The following NCLN variants were observed in gnomAD, a reference collection of about 807,000 sequenced individuals.
NCLN encodes the protein nicalin, also known as BOS complex subunit NCLN.
A neutral mutation model predicts 69.5 loss-of-function variants in NCLN; 34 were observed. The observed-to-expected ratio is 0.49, with a 90% CI of 0.37 to 0.65. The LOEUF is 0.65. NCLN is among the 30% of genes least tolerant of loss of function. NCLN has a pLI of 0.00. For missense variants in NCLN, 710 were observed against 804.8 expected (o/e 0.88, Z 1.42); for synonymous variants, 393 against 358.3 (o/e 1.10, Z -1.09).
At chr19:3,207,005 G>A (rs1412787002) in intron 12 of NCLN, among the ~76,000 whole-genome samples, 193 bp from the exon 13 acceptor site, 1 of 151,946 alleles carries the variant, frequency 6.6e-6, no homozygotes, top group Non-Finnish European at 1.5e-5. Flanking sequence ...TTAATTTTTA[G>A]TAGAGATGGG....
chr19:3,189,850 G>A (rs1281083009), intron 1 of NCLN, among the ~76,000 whole-genome samples: 1 of 152,244 alleles, frequency 6.6e-6, no homozygotes, highest in Non-Finnish European at 1.5e-5. Context: ...GGGATCCAGA[G>A]GGCAGTGTGG....
At chr19:3,190,364 C>T (rs906109600) in intron 1 of NCLN, among the ~76,000 whole-genome samples, 5 of 152,194 alleles carry the variant, frequency 3.3e-5, no homozygotes, top group African/African-American at 7.2e-5. Context: ...GTGCCCACCT[C>T]CTTGTGCTGC....
chr19:3,200,749 C>T (rs1916105386), intron 5 of NCLN, among the ~76,000 whole-genome samples: 1 of 152,172 alleles, frequency 6.6e-6, no homozygotes, highest in South Asian at 2.1e-4. Flanking sequence ...AGCCCCTCCC[C>T]ATCAGCAGTC....
rs374183281 is a variant in NCLN at position 3,208,403 on chromosome 19, C to T, written c.*715C>T. 5.9e-5 allele frequency: 9 copies of T among 152,520 alleles called. No homozygotes were observed. Among genetic ancestry groups the T allele is most frequent in the African/African-American group, 1.9e-4 (8 of 41,476 alleles). 9.4% of individuals were successfully genotyped at this position (152,520 alleles called of 1,614,324 possible). A position where few individuals can be genotyped will look rare whatever the true frequency, so the allele number is the denominator to read the frequency against. On this transcript the variant is annotated 3_prime_UTR_variant, in exon 15 of 15. Coordinates refer to ENST00000246117, the MANE Select transcript of NCLN (RefSeq NM_020170.4). ...CTGGCAGGGCCCCTGCCTCCCCGACCCCCGACCCACTGCAAATCCCCGTTC... is the reference window on the plus strand; with the variant it reads ...CTGGCAGGGCCCCTGCCTCCCCGACTCCCGACCCACTGCAAATCCCCGTTC...
rs1167099141 is a variant in NCLN at position 3,192,647 on chromosome 19, A to T, written c.362A>T (p.Gln121Leu). Residue 121 changes from glutamine to leucine, a missense_variant, in exon 2 of 15, where the codon CAG (glutamine) becomes CTG (leucine). By Grantham distance (113) the Gln-to-Leu change is moderately radical (BLOSUM62 -2). Coordinates refer to ENST00000246117, the MANE Select transcript of NCLN (RefSeq NM_020170.4). ...ILPRAMAAVP[Q>L]DVVRQFMEIE... ...CCCAGGGCCATGGCCGCCGTGCCCC[A>T]GGACGTCGTCCGGGTGAGCGTCTGC... is the stretch of plus-strand genomic sequence containing the variant. 1 of 1,561,968 alleles carries T rather than the reference A, an allele frequency of 6.4e-7. No individual in the cohort carries two copies. The highest frequency in any genetic ancestry group is 8.7e-7 in the Non-Finnish European group (1 of 1,152,816).
intron 1 of NCLN, among the ~76,000 whole-genome samples, chr19:3,186,810 C>T (rs1188771160): frequency 1.3e-5 from 2 of 152,042 alleles, no homozygotes; most frequent in Non-Finnish European, 2.9e-5. Context: ...CATTCCCCAC[C>T]CCCTCCCACG....
intron 12 of NCLN, 64 bp downstream of exon 12, chr19:3,206,489 CA>C: frequency 1.3e-6 from 2 of 1,488,972 alleles, no homozygotes; most frequent in South Asian, 2.6e-5. Flanking sequence ...CCCCCTACTG[CA>C]TCTCCCACCC....
At chr19:3,206,635 A>C (rs1312342386) in intron 12 of NCLN, among the ~76,000 whole-genome samples, 3 of 152,212 alleles carry the variant, frequency 2.0e-5, no homozygotes, top group Non-Finnish European at 4.4e-5. Flanking sequence ...CAGGAGTTCA[A>C]GACCAGACTG....
chr19:3,191,001 CGCG>C lies in NCLN; in HGVS notation c.185-1467_185-1465del, dbSNP rs1481529841. Among the ~76,000 whole-genome samples the C allele has an allele frequency of 2.5e-3, 358 of 145,236 alleles. 1 individual carries two copies. The highest frequency in any genetic ancestry group is 6.3e-3 in the South Asian group (28 of 4,418). On this transcript the variant is annotated intron_variant, in intron 1 of 14. Coordinates refer to ENST00000246117, the MANE Select transcript of NCLN (RefSeq NM_020170.4). ...TTTCCAGGGCAACTCAGGTGGCCAT[CGCG>C]GTGTGTGGCGGGCAGCAGGGAGATC...
chr19:3,194,464 C>T (rs1435455175), intron 3 of NCLN, among the ~76,000 whole-genome samples: 1 of 152,240 alleles, frequency 6.6e-6, no homozygotes, highest in Non-Finnish European at 1.5e-5. Context: ...CAGGGGCCAC[C>T]TGTTTTTGTT....
At position 3,189,451 on chromosome 19, in the gene NCLN, C is replaced by T. The variant is rs1045400410; in HGVS notation, c.185-3019C>T. Among the ~76,000 whole-genome samples the T allele has an allele frequency of 3.3e-5, 5 of 152,248 alleles. No homozygotes were observed. The East Asian group carries it at 9.6e-4, about 29-fold the overall frequency. The stretch of plus-strand genomic sequence containing the variant: ...TTGGCATCTTGTCGCTGGCTGCTTC[C>T]ACGCAGAAACAGCTGAGCCCAGTGA... On this transcript the variant is annotated intron_variant, in intron 1 of 14. Transcript: ENST00000246117.
chr19:3,187,843 A>G (rs1915709830), intron 1 of NCLN, among the ~76,000 whole-genome samples: 1 of 152,120 alleles, frequency 6.6e-6, no homozygotes, highest in Admixed American at 6.5e-5. Context: ...GAGGCTCCTC[A>G]TGCAGTGACC....
chr19:3,187,862 C>T (rs1382278461), intron 1 of NCLN, among the ~76,000 whole-genome samples: 4 of 152,126 alleles, frequency 2.6e-5, no homozygotes, highest in East Asian at 1.9e-4. Context: ...CCGCGTTTTC[C>T]GTGCTGCTTG....
At chr19:3,186,268 TCCGGC>T in intron 1 of NCLN, 54 bp downstream of exon 1, 1 of 1,401,182 alleles carries the variant, frequency 7.1e-7, no homozygotes, top group Non-Finnish European at 9.3e-7. Flanking sequence ...GCCACGCCAC[TCCGGC>T]CCGGCGATCC....
At position 3,186,231 on chromosome 19, in the gene NCLN, C is replaced by T; in HGVS notation, c.184+17C>T. On this transcript the variant is annotated intron_variant, in intron 1 of 14. Coordinates refer to ENST00000246117, the MANE Select transcript of NCLN (RefSeq NM_020170.4). Reference sequence around the variant, plus strand: ...AGCCCTACGGTGCGTGTCCCCGGCCCACCCTCGGGGCTCCCCGGGCTCCCC... The same window carrying T: ...AGCCCTACGGTGCGTGTCCCCGGCCTACCCTCGGGGCTCCCCGGGCTCCCC... The T allele has an allele frequency of 6.8e-7, 1 of 1,480,704 alleles. No homozygotes were observed. Among genetic ancestry groups the T allele is most frequent in the Non-Finnish European group, 9.0e-7 (1 of 1,117,142 alleles). 91.7% of individuals were successfully genotyped at this position (1,480,704 alleles called of 1,614,324 possible).
At chr19:3,199,087 C>T (rs1239344677) in intron 5 of NCLN, among the ~76,000 whole-genome samples, 190 bp downstream of exon 5, 1 of 152,198 alleles carries the variant, frequency 6.6e-6, no homozygotes, top group East Asian at 1.9e-4. Flanking sequence ...ACAGGCCCGG[C>T]TCTTGCCCCG....
At chr19:3,200,146 A>G (rs896871605) in intron 5 of NCLN, among the ~76,000 whole-genome samples, 26 of 151,952 alleles carry the variant, frequency 1.7e-4, no homozygotes, top group Non-Finnish European at 5.9e-5. Flanking sequence ...CACAAACTCA[A>G]GCTGCTCAGA....
intron 5 of NCLN, among the ~76,000 whole-genome samples, chr19:3,200,742 C>T (rs901626445): frequency 1.3e-5 from 2 of 152,100 alleles, no homozygotes; most frequent in African/African-American, 4.8e-5. Flanking sequence ...AAAAAGCAGC[C>T]CCTCCCCATC....
intron 1 of NCLN, among the ~76,000 whole-genome samples, chr19:3,188,582 G>A (rs1173202764): frequency 6.6e-6 from 1 of 152,074 alleles, no homozygotes; most frequent in Non-Finnish European, 1.5e-5. Context: ...TCGCTTCTCT[G>A]GGGCCTTTGC....
Sources: gnomAD v4.1 joint callset for allele counts (sites outside exome capture counted in the v4.1 genomes callset) on GRCh38, gnomAD v4.1.1 for gene constraint, MANE v1.5 for transcripts, NCBI Gene and HGNC (gene_info 2026-07-23, HGNC 2026-07-21) for gene names.